TAF1B: variants seen among roughly 807,000 people sequenced by gnomAD.
TAF1B encodes TATA-box binding protein associated factor, RNA polymerase I subunit B, also known as TATA box-binding protein-associated factor RNA polymerase I subunit B.
In TAF1B, 61 loss-of-function variants were observed where a neutral mutation model predicts 83.9. The ratio of observed to expected loss-of-function variants is 0.73; its 90% CI spans 0.59 to 0.90. The LOEUF (loss-of-function observed/expected upper bound fraction) is 0.90. Ranked by LOEUF, TAF1B falls within the 40% of genes least tolerant of loss-of-function variation. The probability of loss-of-function intolerance (pLI) is 0.00; values close to 1 mark genes in which losing one functional copy is unlikely to be tolerated. For missense variants in TAF1B, 625 were observed against 677.0 expected (o/e 0.92, Z 0.85); for synonymous variants, 221 against 224.6 (o/e 0.98, Z 0.14).
chr2:9,885,762 T>A (rs925384677), intron 8 of TAF1B, among the ~76,000 whole-genome samples: 2 of 148,510 alleles, frequency 1.3e-5, no homozygotes, highest in East Asian at 2.1e-4. Flanking sequence ...CACTTTGTCC[T>A]TCTCTCCCTT....
At position 9,917,181 on chromosome 2, in the gene TAF1B, A is replaced by G. The variant is rs1197395025; in HGVS notation, c.1272-1860A>G. 2.0e-5 allele frequency among the ~76,000 whole-genome samples: 3 copies of G among 152,224 alleles called. No homozygotes were observed. The East Asian group carries it at 5.8e-4, about 29-fold the overall frequency. On this transcript the variant is annotated intron_variant, in intron 12 of 14. Coordinates refer to ENST00000263663, the MANE Select transcript of TAF1B (RefSeq NM_005680.3). ...CTTAACATTTAATATCATTGCAGAA[A>G]TTCAAAATAAAAAGTCAACATCTGT...
intron 8 of TAF1B, among the ~76,000 whole-genome samples, chr2:9,896,505 C>T (rs1252453995): frequency 2.0e-5 from 3 of 150,242 alleles, no homozygotes; most frequent in South Asian, 2.1e-4. Context: ...TAGGAGATGG[C>T]GATGAAGATA....
At chr2:9,871,791 G>T (rs1430435254) in intron 6 of TAF1B, among the ~76,000 whole-genome samples, 1 of 152,098 alleles carries the variant, frequency 6.6e-6, no homozygotes, top group Non-Finnish European at 1.5e-5. Context: ...TGTTTGGCGG[G>T]TTTGTAATCT....
At chr2:9,913,348 T>G (rs1279381478) in intron 12 of TAF1B, 99 bp downstream of exon 12, 1 of 902,494 alleles carries the variant, frequency 1.1e-6, no homozygotes, top group African/African-American at 1.7e-5. Flanking sequence ...CTTATCTACA[T>G]TGTGACTTTT....
chr2:9,902,566 A>C (rs1234180388), intron 8 of TAF1B, among the ~76,000 whole-genome samples: 1 of 152,228 alleles, frequency 6.6e-6, no homozygotes, highest in Non-Finnish European at 1.5e-5. Flanking sequence ...TCATTGTTAC[A>C]TGTAGCACAT....
chr2:9,882,874 C>G, intron 8 of TAF1B, 69 bp downstream of exon 8: 4 of 1,113,898 alleles, frequency 3.6e-6, no homozygotes, highest in Non-Finnish European at 5.1e-6. Flanking sequence ...ATTTCTATTT[C>G]TTGCTTGACT....
intron 6 of TAF1B, among the ~76,000 whole-genome samples, chr2:9,873,235 G>A (rs1031164140): frequency 6.6e-6 from 1 of 152,160 alleles, no homozygotes; most frequent in African/African-American, 2.4e-5. Context: ...TTATATTGTA[G>A]TAGGAGGAGA....
At chr2:9,890,269 T>A (rs1027597945) in intron 8 of TAF1B, among the ~76,000 whole-genome samples, 1 of 152,208 alleles carries the variant, frequency 6.6e-6, no homozygotes, top group African/African-American at 2.4e-5. Context: ...TTGAACCTGT[T>A]CTTTCATATA....
intron 3 of TAF1B, among the ~76,000 whole-genome samples, 185 bp from the exon 4 acceptor site, chr2:9,851,356 A>G (rs375878115): frequency 1.3e-5 from 2 of 152,158 alleles, no homozygotes; most frequent in Non-Finnish European, 2.9e-5. Flanking sequence ...ACAAGAGAAT[A>G]TAAGAATGGA....
chr2:9,883,957 G>A (rs1315082131), intron 8 of TAF1B, among the ~76,000 whole-genome samples: 2 of 152,188 alleles, frequency 1.3e-5, no homozygotes, highest in Non-Finnish European at 2.9e-5. Flanking sequence ...CCCAAGTTTT[G>A]CACTAGGCTC....
chr2:9,912,546 C>A (rs1665564019), intron 11 of TAF1B, among the ~76,000 whole-genome samples: 1 of 152,126 alleles, frequency 6.6e-6, no homozygotes, highest in African/African-American at 2.4e-5. Context: ...TTCTAACATC[C>A]CCTCTAATGC....
chr2:9,869,926 A>G (rs1664113259), intron 6 of TAF1B, among the ~76,000 whole-genome samples: 1 of 152,134 alleles, frequency 6.6e-6, no homozygotes, highest in Non-Finnish European at 1.5e-5. Flanking sequence ...TAAAATGCAG[A>G]TAGTCACGAA....
chr2:9,919,874 G>C (rs760731771), intron 14 of TAF1B, 54 bp downstream of exon 14: 7 of 1,509,400 alleles, frequency 4.6e-6, no homozygotes, highest in Non-Finnish European at 6.3e-6. Context: ...GACTGTATAA[G>C]AGCCAGATAG....
At chr2:9,854,265 G>A in intron 4 of TAF1B, 61 bp from the exon 5 acceptor site, 1 of 1,116,210 alleles carries the variant, frequency 9.0e-7, no homozygotes, top group Non-Finnish European at 1.4e-6. Flanking sequence ...TGGTGTAGAT[G>A]TGCCTGTACA....
In TAF1B at chr2:9,882,279, T is replaced by C. The variant is rs149777213; in HGVS notation, c.708-427T>C. Among the ~76,000 whole-genome samples, 776 of 152,264 alleles carry C rather than the reference T, an allele frequency of 5.1e-3. 4 individuals carry two copies. The highest frequency in any genetic ancestry group is 7.7e-3 in the Non-Finnish European group (525 of 68,020). On this transcript the variant is annotated intron_variant, in intron 7 of 14. Coordinates refer to ENST00000263663, the MANE Select transcript of TAF1B (RefSeq NM_005680.3). ...CATGCCTAGCTAATTTTTGTATTTTTAATAGAGACGGGGTTTCACCATATT... is the reference window on the plus strand; with the variant it reads ...CATGCCTAGCTAATTTTTGTATTTTCAATAGAGACGGGGTTTCACCATATT...
chr2:9,931,378 C>T (rs1302267302), intron 14 of TAF1B, among the ~76,000 whole-genome samples: 8 of 152,182 alleles, frequency 5.3e-5, no homozygotes, highest in Admixed American at 2.0e-4. Context: ...GACAGAATCT[C>T]TCAGCATTTG....
intron 7 of TAF1B, among the ~76,000 whole-genome samples, chr2:9,879,771 T>C (rs1664437163): frequency 6.6e-6 from 1 of 152,144 alleles, no homozygotes; most frequent in Non-Finnish European, 1.5e-5. Flanking sequence ...TTTTTAAAAA[T>C]TGAGGTATAA....
chr2:9,871,714 A>G (rs1664172525), intron 6 of TAF1B, among the ~76,000 whole-genome samples: 1 of 152,076 alleles, frequency 6.6e-6, no homozygotes, highest in African/African-American at 2.4e-5. Flanking sequence ...GAACCCCAGC[A>G]TTATCATCTT....
At chr2:9,845,186 A>G (rs1317808189) in intron 1 of TAF1B, 34 bp from the exon 2 acceptor site, 1 of 1,558,306 alleles carries the variant, frequency 6.4e-7, no homozygotes, top group African/African-American at 1.4e-5. Context: ...ATGTGGCTTG[A>G]TGGGAACACC....
Sources: gnomAD v4.1 joint callset for allele counts (sites outside exome capture counted in the v4.1 genomes callset) on GRCh38, gnomAD v4.1.1 for gene constraint, MANE v1.5 for transcripts, NCBI Gene and HGNC (gene_info 2026-07-23, HGNC 2026-07-21) for gene names.